Variants in NKAIN3 observed in about 807,000 individuals in gnomAD.
NKAIN3 encodes sodium/potassium-transporting ATPase subunit beta-1-interacting protein 3.
A neutral mutation model predicts 30.2 loss-of-function variants in NKAIN3; 25 were observed. The observed-to-expected ratio is 0.83, with a 90% CI of 0.60 to 1.16. NKAIN3 has a LOEUF of 1.16. NKAIN3 is among the 50% of genes most tolerant of loss of function. The pLI, the probability that NKAIN3 is intolerant of heterozygous loss-of-function variation, is 0.00. For missense variants in NKAIN3, 225 were observed against 254.1 expected, an observed-to-expected ratio of 0.89 and a Z score of 0.78; for synonymous variants, 91 against 89.6, an observed-to-expected ratio of 1.02 and a Z score of -0.09.
chr8:62,768,796 A>G (rs965157246), intron 4 of NKAIN3, among the ~76,000 whole-genome samples: 2 of 152,212 alleles, frequency 1.3e-5, no homozygotes, highest in African/African-American at 4.8e-5. Context: ...AAATTTAACA[A>G]TCCAAACAAG....
chr8:62,539,173 G>T (rs1585922036), intron 1 of NKAIN3, among the ~76,000 whole-genome samples: 1 of 152,172 alleles, frequency 6.6e-6, no homozygotes, highest in Non-Finnish European at 1.5e-5. Flanking sequence ...TATCTGAAAT[G>T]ATATCCATTC....
intron 3 of NKAIN3, among the ~76,000 whole-genome samples, chr8:62,720,660 C>G (rs965443888): frequency 6.6e-6 from 1 of 152,128 alleles, no homozygotes; most frequent in Admixed American, 6.5e-5. Context: ...TTTTCTATAG[C>G]ATATTCTCCA....
intron 4 of NKAIN3, among the ~76,000 whole-genome samples, chr8:62,859,460 A>G (rs1440042579): frequency 7.1e-6 from 1 of 139,990 alleles, no homozygotes; most frequent in Admixed American, 8.2e-5. Flanking sequence ...CAGCCATCCT[A>G]TCTATTCTTA....
intron 4 of NKAIN3, among the ~76,000 whole-genome samples, chr8:62,764,305 T>G (rs535807139): frequency 7.9e-5 from 12 of 152,326 alleles, no homozygotes; most frequent in Non-Finnish European, 1.5e-4. Context: ...CTTTATTATT[T>G]CTATATATGA....
chr8:62,500,669 ATTTGACACC>A (rs895172036), intron 1 of NKAIN3, among the ~76,000 whole-genome samples: 3 of 152,116 alleles, frequency 2.0e-5, no homozygotes, highest in African/African-American at 7.2e-5. Flanking sequence ...CATAGGCTGT[ATTTGACACC>A]TTTGTGGAGG....
At chr8:62,547,297 C>T (rs1489433436) in intron 1 of NKAIN3, among the ~76,000 whole-genome samples, 16 of 152,138 alleles carry the variant, frequency 1.1e-4, no homozygotes, top group Non-Finnish European at 7.3e-5. Context: ...TTCTCAGTTA[C>T]TAACATAGGA....
intron 1 of NKAIN3, among the ~76,000 whole-genome samples, chr8:62,361,522 T>C (rs1189246552): frequency 1.3e-5 from 2 of 152,250 alleles, no homozygotes; most frequent in Non-Finnish European, 2.9e-5. Context: ...TATAGTGACC[T>C]GGTATCTTTA....
chr8:62,335,432 C>CAAAAA (rs5891845), intron 1 of NKAIN3, among the ~76,000 whole-genome samples: 11 of 82,198 alleles, frequency 1.3e-4, no homozygotes, highest in Admixed American at 2.5e-4. Flanking sequence ...GACTCTGTCT[C>CAAAAA]AAAAAAAAAA....
At chr8:62,839,519 T>C (rs1395098109) in intron 4 of NKAIN3, among the ~76,000 whole-genome samples, 1 of 152,128 alleles carries the variant, frequency 6.6e-6, no homozygotes, top group Non-Finnish European at 1.5e-5. Context: ...TGATTTGGTA[T>C]GTATCAAATA....
chr8:62,370,473 T>C (rs201174245), intron 1 of NKAIN3, among the ~76,000 whole-genome samples: 1 of 151,870 alleles, frequency 6.6e-6, no homozygotes, highest in East Asian at 1.9e-4. Flanking sequence ...GCTGTGGAAA[T>C]TGCATACATG....
intron 1 of NKAIN3, among the ~76,000 whole-genome samples, chr8:62,261,739 C>T (rs1306105954): frequency 6.6e-6 from 1 of 152,192 alleles, no homozygotes; most frequent in Non-Finnish European, 1.5e-5. Context: ...CACACCAAAA[C>T]TTATTTAGCT....
intron 1 of NKAIN3, among the ~76,000 whole-genome samples, chr8:62,564,453 A>G (rs1809684570): frequency 6.6e-6 from 1 of 152,178 alleles, no homozygotes. Context: ...AACTTCTTTA[A>G]GCAAGAAATA....
At chr8:62,671,572 A>G (rs1813303985) in intron 3 of NKAIN3, among the ~76,000 whole-genome samples, 1 of 152,198 alleles carries the variant, frequency 6.6e-6, no homozygotes, top group African/African-American at 2.4e-5. Context: ...AGGAAATAAA[A>G]ATTAATGATA....
rs1823691209 is a variant in NKAIN3, at chr8:62,965,634, A to AG, written c.*227_*228insG. 2 of 976,802 alleles carry AG rather than the reference A, an allele frequency of 2.0e-6. No individual in the cohort carries two copies. Among genetic ancestry groups the AG allele is most frequent in the South Asian group, 9.5e-5 (2 of 21,124 alleles). 60.5% of individuals were successfully genotyped at this position (976,802 alleles called of 1,614,324 possible). A position where few individuals can be genotyped will look rare whatever the true frequency, so the allele number is the denominator to read the frequency against. Reference sequence around the variant, plus strand: ...CTTGTAAGTTGTAAAAAAAAAAAAAAAAGAAAAAACAGAATTTGGTTTTAA... The same window carrying AG: ...CTTGTAAGTTGTAAAAAAAAAAAAAAGAAGAAAAAACAGAATTTGGTTTTAA... On this transcript the variant is annotated 3_prime_UTR_variant, in exon 7 of 7. Transcript: ENST00000623646.
At chr8:62,915,973 T>G (rs1822088219) in intron 4 of NKAIN3, among the ~76,000 whole-genome samples, 1 of 152,180 alleles carries the variant, frequency 6.6e-6, no homozygotes, top group Admixed American at 6.5e-5. Context: ...AAAGAACTAT[T>G]GCAAAAATAA....
intron 3 of NKAIN3, among the ~76,000 whole-genome samples, chr8:62,603,221 C>T (rs1264171395): frequency 1.3e-5 from 2 of 152,062 alleles, no homozygotes; most frequent in African/African-American, 4.8e-5. Context: ...ATTAAGAGTA[C>T]AGTCTTGATG....
chr8:62,869,326 G>A (rs563682484), intron 4 of NKAIN3, among the ~76,000 whole-genome samples: 1 of 152,066 alleles, frequency 6.6e-6, no homozygotes, highest in South Asian at 2.1e-4. Context: ...GCCACCCGGC[G>A]CCCCCCGCCC....
intron 1 of NKAIN3, among the ~76,000 whole-genome samples, chr8:62,510,435 C>T (rs762985266): frequency 3.3e-5 from 5 of 152,122 alleles, no homozygotes; most frequent in Non-Finnish European, 7.3e-5. Context: ...CTTAGCACAT[C>T]GGCTCTTGAT....
intron 4 of NKAIN3, chr8:62,864,246 G>A (rs751112978): frequency 3.6e-6 from 3 of 825,070 alleles, no homozygotes; most frequent in South Asian, 1.6e-5. Flanking sequence ...AGGATTAGAG[G>A]AGGCGGCCGA....
Sources: allele counts gnomAD v4.1 joint callset (sites outside exome capture counted in the v4.1 genomes callset), GRCh38; gene constraint gnomAD v4.1.1; transcripts MANE v1.5; gene names NCBI Gene and HGNC (gene_info 2026-07-23, HGNC 2026-07-21).